The following TERF1 variants were observed in gnomAD, a reference collection of about 807,000 sequenced individuals.
TERF1 encodes telomeric repeat binding factor 1.
Under a neutral mutation model 55.1 loss-of-function variants are expected in TERF1, and 20 were observed. The observed-to-expected ratio is 0.36, with a 90% CI of 0.26 to 0.53. The LOEUF (loss-of-function observed/expected upper bound fraction) is 0.53, where lower values mean the gene tolerates loss of function less well. TERF1 is among the 20% of genes least tolerant of loss of function. The pLI is 0.91. For missense variants in TERF1, 439 were observed against 535.7 expected, an observed-to-expected ratio of 0.82 and a Z score of 1.78; for synonymous variants, 168 against 181.2, an observed-to-expected ratio of 0.93 and a Z score of 0.59.
At position 73,037,121 on chromosome 8, in the gene TERF1, T is replaced by G. The variant is rs538198758; in HGVS notation, c.1040-1995T>G. On this transcript the variant is annotated intron_variant, in intron 8 of 9. Coordinates refer to ENST00000276603, the MANE Select transcript of TERF1 (RefSeq NM_017489.3). The stretch of plus-strand genomic sequence containing the variant: ...CATATATTATATAAAACCCCATATA[T>G]ACTATATAATTAATAATTTATATAT... Among the ~76,000 whole-genome samples, 206 of 134,316 alleles carry G rather than the reference T, an allele frequency of 1.5e-3. 2 individuals are homozygous for G. Among genetic ancestry groups the G allele is most frequent in the African/African-American group, 5.4e-3 (194 of 36,208 alleles). 88.1% of individuals were successfully genotyped at this position (134,316 alleles called of 152,430 possible). A position where few individuals can be genotyped will look rare whatever the true frequency, so the allele number is the denominator to read the frequency against.
At chr8:73,019,081 G>T (rs2129757627) in intron 2 of TERF1, 1 of 152,264 alleles carries the variant, frequency 6.6e-6, no homozygotes, top group Middle Eastern at 3.4e-3. Flanking sequence ...ACATTTCCTA[G>T]TCTCTTAGCT....
chr8:73,040,352 T>A (rs1400186253), intron 9 of TERF1, among the ~76,000 whole-genome samples: 1 of 152,200 alleles, frequency 6.6e-6, no homozygotes, highest in Non-Finnish European at 1.5e-5. Flanking sequence ...TGCTTTTTCA[T>A]ACACCTAAGT....
intron 5 of TERF1, 111 bp downstream of exon 5, chr8:73,025,082 G>A (rs372808408): frequency 1.0e-5 from 7 of 700,184 alleles, no homozygotes; most frequent in East Asian, 6.4e-5. Context: ...TTTCATTGTG[G>A]TTTTGTAGAA....
At chr8:73,023,126 T>G (rs934535602) in intron 4 of TERF1, among the ~76,000 whole-genome samples, 7 of 152,216 alleles carry the variant, frequency 4.6e-5, no homozygotes, top group Non-Finnish European at 1.0e-4. Flanking sequence ...ATACATTTTG[T>G]GGAACAAATA....
At chr8:73,014,429 C>T (rs1808409387) in intron 2 of TERF1, among the ~76,000 whole-genome samples, 2 of 92,948 alleles carry the variant, frequency 2.2e-5, no homozygotes, top group South Asian at 6.7e-4. Context: ...CATACACACT[C>T]TGTTTTTACT....
intron 8 of TERF1, among the ~76,000 whole-genome samples, chr8:73,037,261 GTA>G (rs1809572615): frequency 7.4e-6 from 1 of 134,492 alleles, no homozygotes; most frequent in African/African-American, 2.7e-5. Context: ...GCTTTACTAT[GTA>G]TATAAAACAT....
chr8:73,034,657 A>G (rs981379587), intron 8 of TERF1, among the ~76,000 whole-genome samples: 4 of 152,354 alleles, frequency 2.6e-5, no homozygotes, highest in Admixed American at 6.5e-5. Context: ...GAAAAAGCCA[A>G]ATCATCCAGA....
intron 1 of TERF1, 143 bp downstream of exon 1, chr8:73,009,348 A>G: frequency 1.3e-6 from 1 of 752,340 alleles, no homozygotes; most frequent in South Asian, 1.9e-5. Context: ...TCCGGGCTGA[A>G]CTTTGTTCGA....
rs1039055018 is a variant in TERF1, at chr8:73,027,112, A to G, written c.887+60A>G. The stretch of plus-strand genomic sequence containing the variant: ...TTATGAATGTTCTGTCTTTATGTAA[A>G]ATTGATATGTCTTTTTATTAAAAAT... On this transcript the variant is annotated intron_variant, in intron 6 of 9. Transcript: ENST00000276603. The G allele has an allele frequency of 8.7e-6, 10 of 1,151,296 alleles. No homozygotes were observed. In the African/African-American group the frequency reaches 1.3e-4, roughly 14 times the overall value. The allele number at this position is 1,151,296 out of a possible 1,614,324, so 71.3% of individuals were successfully genotyped here.
At chr8:73,013,041 A>C in intron 1 of TERF1, 1 of 400,120 alleles carries the variant, frequency 2.5e-6, no homozygotes, top group Non-Finnish European at 5.2e-6. Context: ...CTGGTGTAGC[A>C]TAAGATTATG....
intron 1 of TERF1, 112 bp downstream of exon 1, chr8:73,009,317 G>A: frequency 1.8e-6 from 2 of 1,116,706 alleles, no homozygotes; most frequent in Non-Finnish European, 1.2e-6. Context: ...TGCTGCGGCC[G>A]ATTAGCTGGG....
chr8:73,014,915 A>G (rs977257302), intron 2 of TERF1, among the ~76,000 whole-genome samples: 1 of 152,244 alleles, frequency 6.6e-6, no homozygotes, highest in African/African-American at 2.4e-5. Context: ...AGCCATAGGT[A>G]GGCCTGGGCC....
chr8:73,032,228 C>T, intron 8 of TERF1, 95 bp downstream of exon 8: 1 of 778,278 alleles, frequency 1.3e-6, no homozygotes, highest in Non-Finnish European at 2.0e-6. Context: ...AAAACACACA[C>T]TTCAGAAAAC....
Position 73,029,801 on chromosome 8 carries a change from TATC to T in TERF1, c.888-532_888-530del, listed in dbSNP as rs552894984. On this transcript the variant is annotated intron_variant, in intron 6 of 9. Transcript: ENST00000276603. Reference sequence around the variant, plus strand: ...TTTTACAGATGGATAGAAGAGGAAATATCATTTTAGGAGAGAGGAATATTACTA... The same window carrying T: ...TTTTACAGATGGATAGAAGAGGAAATATTTTAGGAGAGAGGAATATTACTA... 5.6e-3 allele frequency among the ~76,000 whole-genome samples: 846 copies of T among 152,174 alleles called. 4 individuals are homozygous for T. The highest frequency in any genetic ancestry group is 0.014 in the Middle Eastern group (4 of 294).
At position 73,021,970 on chromosome 8, in the gene TERF1, G is replaced by A. The variant is rs571502597; in HGVS notation, c.538-246G>A. On this transcript the variant is annotated intron_variant, in intron 3 of 9. Coordinates refer to ENST00000276603, the MANE Select transcript of TERF1 (RefSeq NM_017489.3). ...CATACTTTTCATTTGGTCTAAATTA[G>A]AGATAGAATGCTGGGCATTTATGAA... Among the ~76,000 whole-genome samples, 181 of 152,282 alleles carry A rather than the reference G, an allele frequency of 1.2e-3. 1 individual carries two copies. The highest frequency in any genetic ancestry group is 4.3e-3 in the African/African-American group (177 of 41,554).
At position 73,008,950 on chromosome 8, in the gene TERF1, G is replaced by A. The variant is rs1808144459; in HGVS notation, c.64G>A (p.Asp22Asn). 4 of 1,612,830 alleles carry A rather than the reference G, an allele frequency of 2.5e-6. No homozygotes were observed. Among genetic ancestry groups the A allele is most frequent in the East Asian group, 2.2e-5 (1 of 44,880 alleles). ...PRGCADGRDA[D>N]PTEEQMAETE... ...GGGCTGTGCGGATGGTAGGGATGCC[G>A]ACCCTACTGAGGAGCAGATGGCAGA... Residue 22 changes from aspartate to asparagine, a missense_variant, in exon 1 of 10, where the codon GAC (aspartate) becomes AAC (asparagine). By Grantham distance (23) the Asp-to-Asn change is conservative. Coordinates refer to ENST00000276603, the MANE Select transcript of TERF1 (RefSeq NM_017489.3).
rs55893385 is a variant in TERF1 at position 73,039,198 on chromosome 8, A to G, written c.1122A>G (p.Lys374=). The change falls in exon 9 of 10, where the codon AAA becomes AAG. Residue 374 remains lysine (K), a synonymous_variant. Coordinates refer to ENST00000276603, the MANE Select transcript of TERF1 (RefSeq NM_017489.3). ...AGAGTCAGCCGGTAACTCCTGAAAA[A>G]CATCGAGCTAGAAAAAGACAGGTAT... ...VSKSQPVTPE[K]HRARKRQAWL... 2.5e-6 allele frequency: 4 copies of G among 1,604,512 alleles called. No individual in the cohort carries two copies. In the African/African-American group the frequency reaches 4.0e-5, roughly 16 times the overall value.
chr8:73,021,710 T>C (rs1371127221), intron 3 of TERF1, among the ~76,000 whole-genome samples: 1 of 152,052 alleles, frequency 6.6e-6, no homozygotes, highest in African/African-American at 2.4e-5. Flanking sequence ...TGGTAAGTGG[T>C]CCTGTCTTAC....
intron 7 of TERF1, chr8:73,031,550 T>TGCC (rs1809285409): frequency 6.6e-6 from 1 of 152,116 alleles, no homozygotes; most frequent in Admixed American, 6.6e-5. Flanking sequence ...GGCAGAGTTT[T>TGCC]CAAAAAAAAT....
Sources: gnomAD v4.1 joint callset for allele counts (sites outside exome capture counted in the v4.1 genomes callset) on GRCh38, gnomAD v4.1.1 for gene constraint, MANE v1.5 for transcripts, NCBI Gene and HGNC (gene_info 2026-07-23, HGNC 2026-07-21) for gene names.